Variants in RAD54L observed in about 807,000 individuals in gnomAD.
The protein encoded by RAD54L is DNA repair and recombination protein RAD54-like.
In RAD54L, 74 loss-of-function variants were observed where a neutral mutation model predicts 91.6. That is an observed-to-expected ratio of 0.81 (90% CI 0.67 to 0.98). The LOEUF (loss-of-function observed/expected upper bound fraction) is 0.98. RAD54L is among the 50% of genes least tolerant of loss of function. RAD54L has a pLI of 0.00. For synonymous variants in RAD54L, 304 were observed against 349.7 expected (o/e 0.87, Z 1.46); for missense variants, 887 against 945.7 (o/e 0.94, Z 0.81).
At chr1:46,274,389 G>A in intron 15 of RAD54L, 149 bp from the exon 16 acceptor site, 1 of 1,247,456 alleles carries the variant, frequency 8.0e-7, no homozygotes, top group Non-Finnish European at 1.2e-6. Flanking sequence ...GTGTGTGTTG[G>A]GATTGGCTGG....
At chr1:46,273,537 G>T in intron 13 of RAD54L, 72 bp downstream of exon 13, 1 of 1,610,848 alleles carries the variant, frequency 6.2e-7, no homozygotes, top group Admixed American at 1.7e-5. Flanking sequence ...TGCTAGGGCT[G>T]TCCTGTTTCA....
rs10437093 is a variant in RAD54L at position 46,247,806 on chromosome 1, T to G, written c.-600T>G. ...AACAGGAAGGTTGAGAGAGAGGTGCTGGGGTCTGCGTCTATCTCTGTCGCT... is the reference window on the plus strand; with the variant it reads ...AACAGGAAGGTTGAGAGAGAGGTGCGGGGGTCTGCGTCTATCTCTGTCGCT... On this transcript the variant is annotated 5_prime_UTR_variant, in exon 1 of 18. Transcript: ENST00000371975. 6.0e-3 allele frequency: 1,097 copies of G among 183,666 alleles called. 18 individuals carry two copies. The highest frequency in any genetic ancestry group is 0.026 in the Middle Eastern group (10 of 392). The allele number at this position is 183,666 out of a possible 1,614,324, so 11.4% of individuals were successfully genotyped here.
rs148342014 is a variant in RAD54L, at chr1:46,274,714, G to C, written c.1866G>C (p.Leu622=). 399 of 1,614,118 alleles carry C rather than the reference G, an allele frequency of 2.5e-4. 2 individuals are homozygous for C. The highest frequency in any genetic ancestry group is 1.7e-4 in the Middle Eastern group (1 of 6,020). Residue 622 remains leucine, a synonymous_variant, in exon 16 of 18, where the codon CTG becomes CTC. Coordinates refer to ENST00000371975, the MANE Select transcript of RAD54L (RefSeq NM_003579.4). The part of the protein sequence containing the change: ...QKKTCYIYRL[L]SAGTIEEKIF... ...AGACTTGCTATATCTACCGCCTGCT[G>C]TCTGTAAGGATGGTGATAGTAGTCA... is the stretch of plus-strand genomic sequence containing the variant.
chr1:46,252,300 C>G (rs1298678326), intron 3 of RAD54L, among the ~76,000 whole-genome samples: 1 of 152,004 alleles, frequency 6.6e-6, no homozygotes, highest in African/African-American at 2.4e-5. Context: ...AGAGTCTGGA[C>G]TAAGGTCACT....
intron 8 of RAD54L, 60 bp from the exon 9 acceptor site, chr1:46,267,399 G>A: frequency 6.2e-7 from 1 of 1,609,670 alleles, no homozygotes; most frequent in African/African-American, 1.3e-5. Flanking sequence ...CTGTCTACAT[G>A]AGACTTTGCT....
At chr1:46,274,326 A>G in intron 15 of RAD54L, 110 bp downstream of exon 15, 1 of 1,271,828 alleles carries the variant, frequency 7.9e-7, no homozygotes, top group Non-Finnish European at 1.1e-6. Context: ...TAATTCCCCT[A>G]GTGGATATAG....
Position 46,260,749 on chromosome 1 carries a change from G to T in RAD54L, c.500G>T (p.Cys167Phe). The T allele has an allele frequency of 6.2e-7, 1 of 1,614,204 alleles. No homozygotes were observed. The highest frequency in any genetic ancestry group is 8.5e-7 in the Non-Finnish European group (1 of 1,180,044). The part of the protein sequence containing the change: ...QREGVKFLWE[C>F]VTSRRIPGSH... ...TAGGGAGTGAAATTCCTGTGGGAGT[G>T]TGTCACCAGTCGGCGCATCCCTGGC... Residue 167 changes from cysteine to phenylalanine, a missense_variant, in exon 7 of 18, where the codon TGT becomes TTT. Cys to Phe is a radical substitution (Grantham distance 205, BLOSUM62 -2). Transcript: ENST00000371975.
intron 3 of RAD54L, among the ~76,000 whole-genome samples, chr1:46,258,017 C>T (rs1289499106): frequency 6.6e-6 from 1 of 151,888 alleles, no homozygotes; most frequent in East Asian, 1.9e-4. Flanking sequence ...CATTGGTAGC[C>T]ATCATTATTT....
rs916106012 is a variant in RAD54L, at chr1:46,260,989, C to T, written c.740C>T (p.Ser247Phe). 1.1e-5 allele frequency: 18 copies of T among 1,613,888 alleles called. No homozygotes were observed. The highest frequency in any genetic ancestry group is 5.0e-5 in the Admixed American group (3 of 60,002). ...RIQPLAIDGG[S>F]KDEIDQKLEG... ...CAACCTCTGGCCATCGATGGAGGAT[C>T]TAAGGATGAAATAGACCAAAAGCTG... Residue 247 changes from serine to phenylalanine, a missense_variant, in exon 7 of 18, where the codon TCT (serine) becomes TTT (phenylalanine). Physicochemically the swap from Ser to Phe is radical, Grantham distance 155. Coordinates refer to ENST00000371975, the MANE Select transcript of RAD54L (RefSeq NM_003579.4).
chr1:46,258,865 T>C, intron 4 of RAD54L, 119 bp downstream of exon 4: 1 of 838,692 alleles, frequency 1.2e-6, no homozygotes, highest in South Asian at 1.4e-5. Context: ...AGTCCAGCGG[T>C]GGCTGTGTTT....
intron 9 of RAD54L, among the ~76,000 whole-genome samples, chr1:46,267,916 TAGA>T (rs1296290046): frequency 6.6e-6 from 1 of 152,156 alleles, no homozygotes; most frequent in Non-Finnish European, 1.5e-5. Flanking sequence ...CTAGCTCCCT[TAGA>T]AGAGTTTTGG....
intron 10 of RAD54L, among the ~76,000 whole-genome samples, chr1:46,272,025 C>CTTTTTTTGTTTTTTTTTTTTT (rs1660443485): frequency 2.4e-5 from 1 of 41,170 alleles, no homozygotes; most frequent in African/African-American, 1.3e-4. Flanking sequence ...GGTCTGATGA[C>CTTTTTTTGTTTTTTTTTTTTT]TTTTTTTTTT....
Position 46,261,197 on chromosome 1 carries a change from TTTTTTTG to T in RAD54L, c.767-57_767-51del, listed in dbSNP as rs2148288973. 11 of 1,594,270 alleles carry T rather than the reference TTTTTTTG, an allele frequency of 6.9e-6. No individual in the cohort carries two copies. In the East Asian group the frequency reaches 2.0e-4, roughly 29 times the overall value. ...CTAAATTAAAGAACTGTCTAATTGTTTTTTTTGTTTTTTTTTTTTTCAAAAGATTCTG... is the reference window on the plus strand; with the variant it reads ...CTAAATTAAAGAACTGTCTAATTGTTTTTTTTTTTTTTTCAAAAGATTCTG... On this transcript the variant is annotated intron_variant, in intron 7 of 17. Coordinates refer to ENST00000371975, the MANE Select transcript of RAD54L (RefSeq NM_003579.4).
intron 16 of RAD54L, chr1:46,277,542 C>A (rs1660648185): frequency 4.0e-6 from 2 of 500,468 alleles, no homozygotes; most frequent in Admixed American, 6.6e-5. Flanking sequence ...AGCAGACAAA[C>A]CTCAGTTCAC....
At chr1:46,258,809 A>T (rs1440389442) in intron 4 of RAD54L, 63 bp downstream of exon 4, 9 of 1,307,000 alleles carry the variant, frequency 6.9e-6, no homozygotes, top group Admixed American at 6.8e-5. Context: ...AATAAATTAA[A>T]AACCTGCTTT....
chr1:46,250,685 G>A (rs1001418185), intron 3 of RAD54L, among the ~76,000 whole-genome samples: 1 of 152,114 alleles, frequency 6.6e-6, no homozygotes, highest in Non-Finnish European at 1.5e-5. Flanking sequence ...ATTTAAAAAC[G>A]GTTTTGTGGC....
intron 16 of RAD54L, among the ~76,000 whole-genome samples, chr1:46,276,227 G>T (rs995782967): frequency 6.6e-6 from 1 of 152,056 alleles, no homozygotes; most frequent in African/African-American, 2.4e-5. Context: ...GCCTAAGCTG[G>T]AGTATAGTGG....
At chr1:46,270,568 C>A in intron 9 of RAD54L, 91 bp from the exon 10 acceptor site, 2 of 1,539,902 alleles carry the variant, frequency 1.3e-6, no homozygotes, top group Non-Finnish European at 1.8e-6. Flanking sequence ...GGTAGGAAGG[C>A]TGGTTTGTGA....
At chr1:46,256,584 G>A (rs1659946059) in intron 3 of RAD54L, among the ~76,000 whole-genome samples, 1 of 151,190 alleles carries the variant, frequency 6.6e-6, no homozygotes, top group Non-Finnish European at 1.5e-5. Context: ...AGTGAGGTAT[G>A]ATCACCACTA....
Sources: allele counts gnomAD v4.1 joint callset (sites outside exome capture counted in the v4.1 genomes callset), GRCh38; gene constraint gnomAD v4.1.1; transcripts MANE v1.5; gene names NCBI Gene and HGNC (gene_info 2026-07-23, HGNC 2026-07-21).